The following GRIA4 variants were observed in gnomAD, a reference collection of about 807,000 sequenced individuals.
GRIA4 encodes the protein glutamate receptor 4.
In GRIA4, 34 loss-of-function variants were observed where a neutral mutation model predicts 104.0. The observed-to-expected ratio is 0.33, with a 90% CI of 0.25 to 0.44. The LOEUF is 0.44. GRIA4 is among the 20% of genes least tolerant of loss of function. The pLI, the probability that GRIA4 is intolerant of heterozygous loss-of-function variation, is 1.00. For missense variants in GRIA4, 750 were observed against 1,096.5 expected, an observed-to-expected ratio of 0.68 and a Z score of 4.46; for synonymous variants, 386 against 381.9, an observed-to-expected ratio of 1.01 and a Z score of -0.13.
intron 5 of GRIA4, among the ~76,000 whole-genome samples, chr11:105,867,839 A>G (rs1945482224): frequency 6.6e-6 from 1 of 152,210 alleles, no homozygotes; most frequent in Non-Finnish European, 1.5e-5. Context: ...TATTTGAATC[A>G]TCTATATAGG....
intron 4 of GRIA4, among the ~76,000 whole-genome samples, chr11:105,796,515 C>T (rs1022142077): frequency 1.3e-5 from 2 of 152,140 alleles, no homozygotes; most frequent in Non-Finnish European, 2.9e-5. Flanking sequence ...TGTGTCATTA[C>T]TGTAATTACC....
chr11:105,913,305 GAA>G, intron 10 of GRIA4: 1 of 596,614 alleles, frequency 1.7e-6, no homozygotes, highest in Non-Finnish European at 2.1e-6. Context: ...TATGGCTGTT[GAA>G]AGTTATTTTT....
At chr11:105,691,101 G>A (rs1565467263) in intron 3 of GRIA4, among the ~76,000 whole-genome samples, 1 of 152,074 alleles carries the variant, frequency 6.6e-6, no homozygotes, top group East Asian at 1.9e-4. Flanking sequence ...AAACATGTGT[G>A]GAGAAGGAAG....
At chr11:105,878,480 G>A (rs1945918246) in intron 5 of GRIA4, among the ~76,000 whole-genome samples, 1 of 152,188 alleles carries the variant, frequency 6.6e-6, no homozygotes, top group African/African-American at 2.4e-5. Flanking sequence ...GAGCCAGCAG[G>A]CAGGAATGTT....
intron 4 of GRIA4, among the ~76,000 whole-genome samples, chr11:105,804,809 G>A (rs1359829802): frequency 1.3e-5 from 2 of 151,940 alleles, no homozygotes; most frequent in East Asian, 3.9e-4. Context: ...CTGTATGAAA[G>A]CCACTGGCAA....
At position 105,794,463 on chromosome 11, in the gene GRIA4, GTATATGTATGTATATATATATATATATA is replaced by G. The variant is rs1565241133; in HGVS notation, c.487+41249_487+41276del. On this transcript the variant is annotated intron_variant, in intron 4 of 16. Transcript: ENST00000282499. ...TGTGTGTGTGTGTGTCTGTGTGTGT[GTATATGTATGTATATATATATATATATA>G]TATATATATATATATATATATACAT... Among the ~76,000 whole-genome samples the G allele has an allele frequency of 1.8e-4, 7 of 39,302 alleles. 1 individual carries two copies. Among genetic ancestry groups the G allele is most frequent in the Non-Finnish European group, 3.2e-4 (7 of 22,032 alleles). The allele number at this position is 39,302 out of a possible 152,430, so 25.8% of individuals were successfully genotyped here. A position where few individuals can be genotyped will look rare whatever the true frequency, so the allele number is the denominator to read the frequency against.
At chr11:105,888,932 T>C (rs1007798000) in intron 6 of GRIA4, among the ~76,000 whole-genome samples, 2 of 152,154 alleles carry the variant, frequency 1.3e-5, no homozygotes, top group Non-Finnish European at 2.9e-5. Context: ...TCACTATTTT[T>C]TATAAAAATA....
At chr11:105,861,897 A>C in intron 4 of GRIA4, 127 bp from the exon 5 acceptor site, 1 of 636,260 alleles carries the variant, frequency 1.6e-6, no homozygotes, top group Non-Finnish European at 2.8e-6. Context: ...ATAACCACAC[A>C]GACTTTAAGT....
chr11:105,842,743 T>A (rs920262513), intron 4 of GRIA4: 1 of 152,114 alleles, frequency 6.6e-6, no homozygotes, highest in Admixed American at 6.5e-5. Flanking sequence ...GTGAAAGCAA[T>A]ACGATACAAT....
chr11:105,622,571 G>A (rs1367014095), intron 3 of GRIA4, among the ~76,000 whole-genome samples: 1 of 150,046 alleles, frequency 6.7e-6, no homozygotes, highest in Non-Finnish European at 1.5e-5. Flanking sequence ...TCTTTCTTCT[G>A]ATTGTCACTC....
chr11:105,929,328 CA>C (rs1565348636), intron 13 of GRIA4, among the ~76,000 whole-genome samples: 2 of 151,856 alleles, frequency 1.3e-5, no homozygotes, highest in Admixed American at 1.3e-4. Flanking sequence ...CTCAGTGCTT[CA>C]AAAAAATGCC....
intron 9 of GRIA4, among the ~76,000 whole-genome samples, chr11:105,908,002 AAGGGTTT>A (rs1370682049): frequency 9.2e-5 from 14 of 152,084 alleles, no homozygotes; most frequent in African/African-American, 2.9e-4. Context: ...CACTGCCTAT[AAGGGTTT>A]AGGGCTGGTG....
intron 12 of GRIA4, 97 bp from the exon 13 acceptor site, chr11:105,926,641 ATTG>A: frequency 1.3e-6 from 1 of 751,316 alleles, no homozygotes; most frequent in South Asian, 1.6e-5. Flanking sequence ...ATACTTGGCA[ATTG>A]TTATTTTTAA....
At chr11:105,690,200 T>C (rs1953035179) in intron 3 of GRIA4, among the ~76,000 whole-genome samples, 1 of 152,188 alleles carries the variant, frequency 6.6e-6, no homozygotes, top group Non-Finnish European at 1.5e-5. Flanking sequence ...TCTGCCTTAT[T>C]GGAAAGGGAG....
chr11:105,665,155 T>C (rs2135421471), intron 3 of GRIA4, among the ~76,000 whole-genome samples: 1 of 152,096 alleles, frequency 6.6e-6, no homozygotes, highest in African/African-American at 2.4e-5. Context: ...TTTGAAATTC[T>C]CTTCTCAACT....
At chr11:105,885,945 G>A (rs1946239798) in intron 5 of GRIA4, among the ~76,000 whole-genome samples, 1 of 152,118 alleles carries the variant, frequency 6.6e-6, no homozygotes, top group Non-Finnish European at 1.5e-5. Context: ...GAATTTCCCA[G>A]GATTGTTAAA....
chr11:105,667,126 G>C (rs1952190253), intron 3 of GRIA4, among the ~76,000 whole-genome samples: 1 of 151,842 alleles, frequency 6.6e-6, no homozygotes, highest in Non-Finnish European at 1.5e-5. Flanking sequence ...ATTCAACTCA[G>C]AAAAATTTTT....
At chr11:105,649,414 C>T (rs1822982) in intron 3 of GRIA4, among the ~76,000 whole-genome samples, 79,349 of 151,848 alleles carry the variant, frequency 0.52, 20,950 homozygotes, top group Admixed American at 0.61. Flanking sequence ...TTATTTCATC[C>T]AATTCTTGGC....
At position 105,980,021 on chromosome 11, in the gene GRIA4, A is replaced by G. The variant is rs1175016846; in HGVS notation, c.*282A>G. On this transcript the variant is annotated 3_prime_UTR_variant, in exon 17 of 17. Coordinates refer to ENST00000282499, the MANE Select transcript of GRIA4 (RefSeq NM_000829.4). ...GGGATGGGTGTATTAACAGCAACAA[A>G]TTTCATTCGAGTGGACTCAAAAACT... 2 of 301,576 alleles carry G rather than the reference A, an allele frequency of 6.6e-6. No homozygotes were observed. Among genetic ancestry groups the G allele is most frequent in the Admixed American group, 4.5e-5 (1 of 22,218 alleles). The allele number at this position is 301,576 out of a possible 1,614,324, so 18.7% of individuals were successfully genotyped here. A position where few individuals can be genotyped will look rare whatever the true frequency, so the allele number is the denominator to read the frequency against.
Sources: gnomAD v4.1 joint callset for allele counts (sites outside exome capture counted in the v4.1 genomes callset) on GRCh38, gnomAD v4.1.1 for gene constraint, MANE v1.5 for transcripts, NCBI Gene and HGNC (gene_info 2026-07-23, HGNC 2026-07-21) for gene names.